FER1L6: variants seen among roughly 807,000 people sequenced by gnomAD.
FER1L6 encodes fer-1-like protein 6.
Under a neutral mutation model 219.2 loss-of-function variants are expected in FER1L6, and 177 were observed. That is an observed-to-expected ratio of 0.81 (90% CI 0.71 to 0.91). The LOEUF (loss-of-function observed/expected upper bound fraction) is 0.91. Ranked by LOEUF, FER1L6 falls within the 40% of genes least tolerant of loss-of-function variation. The pLI, the probability that FER1L6 is intolerant of heterozygous loss-of-function variation, is 0.00. For synonymous variants in FER1L6, 768 were observed against 824.3 expected (o/e 0.93, Z 1.17); for missense variants, 2,153 against 2,259.9 (o/e 0.95, Z 0.96).
At chr8:123,916,077 G>A (rs1255142787) in intron 1 of FER1L6, among the ~76,000 whole-genome samples, 3 of 152,196 alleles carry the variant, frequency 2.0e-5, no homozygotes, top group Non-Finnish European at 4.4e-5. Context: ...TGTAAATGCT[G>A]CCTGTCCTGA....
intron 1 of FER1L6, among the ~76,000 whole-genome samples, chr8:123,866,910 C>T (rs546517531): frequency 2.1e-4 from 32 of 152,338 alleles, no homozygotes; most frequent in East Asian, 9.6e-4. Flanking sequence ...TGAGCTACCA[C>T]GCCTGACCAG....
intron 2 of FER1L6, among the ~76,000 whole-genome samples, chr8:123,956,902 T>C (rs1815046215): frequency 6.6e-6 from 1 of 152,182 alleles, no homozygotes; most frequent in African/African-American, 2.4e-5. Context: ...AGTTACAGGG[T>C]GAACTGCATC....
At chr8:123,995,590 A>G (rs1817094434) in intron 12 of FER1L6, among the ~76,000 whole-genome samples, 1 of 151,358 alleles carries the variant, frequency 6.6e-6, no homozygotes, top group Non-Finnish European at 1.5e-5. Flanking sequence ...AGGATTGTCA[A>G]TTTTATCTTT....
intron 2 of FER1L6, among the ~76,000 whole-genome samples, chr8:123,961,091 A>C (rs1815253871): frequency 6.6e-6 from 1 of 152,114 alleles, no homozygotes; most frequent in Non-Finnish European, 1.5e-5. Flanking sequence ...TCTCTCTAAA[A>C]AAAATATTAA....
intron 5 of FER1L6, among the ~76,000 whole-genome samples, chr8:123,966,736 A>G (rs993686574): frequency 6.6e-6 from 1 of 152,230 alleles, no homozygotes; most frequent in African/African-American, 2.4e-5. Context: ...TAGAAATTGT[A>G]AAGAAAAATC....
chr8:123,931,242 C>T (rs1813749998), intron 1 of FER1L6, among the ~76,000 whole-genome samples: 1 of 152,146 alleles, frequency 6.6e-6, no homozygotes, highest in South Asian at 2.1e-4. Flanking sequence ...CCAACAGATC[C>T]ACTAAAACTG....
chr8:124,001,940 C>T (rs1041546115), intron 12 of FER1L6, among the ~76,000 whole-genome samples: 1 of 152,176 alleles, frequency 6.6e-6, no homozygotes, highest in Non-Finnish European at 1.5e-5. Context: ...GGAAGATTCT[C>T]ATACATGTAA....
At chr8:123,962,720 TG>T (rs1394881881) in intron 2 of FER1L6, among the ~76,000 whole-genome samples, 13 of 152,328 alleles carry the variant, frequency 8.5e-5, no homozygotes, top group African/African-American at 3.1e-4. Context: ...TCTGTCCCGC[TG>T]GGTTCAAGCG....
In FER1L6 at chr8:124,064,694, C is replaced by G. The variant is rs1003723025; in HGVS notation, c.3555+121C>G. The G allele has an allele frequency of 3.6e-6, 3 of 826,120 alleles. No homozygotes were observed. In the African/African-American group the frequency reaches 5.2e-5, roughly 14 times the overall value. The allele number at this position is 826,120 out of a possible 1,614,324, so 51.2% of individuals were successfully genotyped here. ...CAAGCAGCTTCACATTTCTGAGTAT[C>G]GGTTCATCCTTTGTAAAATGAGGAT... is the stretch of plus-strand genomic sequence containing the variant. On this transcript the variant is annotated intron_variant, in intron 26 of 40. Transcript: ENST00000522917.
chr8:123,966,331 C>G (rs201481369), intron 5 of FER1L6, 41 bp downstream of exon 5: 71 of 1,609,778 alleles, frequency 4.4e-5, no homozygotes, highest in African/African-American at 8.0e-5. Context: ...CACTAAGATT[C>G]TCTTCACCAC....
chr8:123,866,683 A>G (rs1816843313), intron 1 of FER1L6, among the ~76,000 whole-genome samples: 1 of 152,106 alleles, frequency 6.6e-6, no homozygotes, highest in Non-Finnish European at 1.5e-5. Flanking sequence ...CAGTGGTGCT[A>G]TCTAGCTCAC....
At chr8:123,995,274 T>A (rs908715273) in intron 12 of FER1L6, among the ~76,000 whole-genome samples, 1 of 152,238 alleles carries the variant, frequency 6.6e-6, no homozygotes, top group Non-Finnish European at 1.5e-5. Context: ...AAATGTTTGG[T>A]GAATTTCAGC....
At chr8:123,897,861 AAT>A (rs1221245716) in intron 1 of FER1L6, among the ~76,000 whole-genome samples, 2 of 152,204 alleles carry the variant, frequency 1.3e-5, no homozygotes, top group Non-Finnish European at 2.9e-5. Flanking sequence ...TCAGAAAATC[AAT>A]ATGTTAGGCT....
intron 1 of FER1L6, among the ~76,000 whole-genome samples, chr8:123,937,958 C>T (rs1270061946): frequency 6.6e-6 from 1 of 152,182 alleles, no homozygotes; most frequent in Admixed American, 6.5e-5. Context: ...CTTTATTGCT[C>T]TAGGCCTTAT....
chr8:124,105,173 G>A (rs1022431534), intron 39 of FER1L6, among the ~76,000 whole-genome samples: 2 of 152,212 alleles, frequency 1.3e-5, no homozygotes, highest in Non-Finnish European at 2.9e-5. Context: ...GAAATGTAGT[G>A]AGCCACAGGA....
At chr8:123,957,128 C>G (rs1318411754) in intron 2 of FER1L6, among the ~76,000 whole-genome samples, 1 of 152,208 alleles carries the variant, frequency 6.6e-6, no homozygotes, top group Non-Finnish European at 1.5e-5. Context: ...TCCTGGGAGG[C>G]CTGCTTCACT....
At chr8:124,013,981 G>A (rs999736199) in intron 15 of FER1L6, among the ~76,000 whole-genome samples, 1 of 152,016 alleles carries the variant, frequency 6.6e-6, no homozygotes, top group Non-Finnish European at 1.5e-5. Flanking sequence ...ACTATTCAGT[G>A]AGCCTGAATA....
intron 1 of FER1L6, among the ~76,000 whole-genome samples, chr8:123,908,330 T>G (rs1390356945): frequency 6.6e-6 from 1 of 152,234 alleles, no homozygotes; most frequent in Admixed American, 6.5e-5. Context: ...GTGAGGCTCT[T>G]ACAAGATACT....
intron 1 of FER1L6, among the ~76,000 whole-genome samples, chr8:123,859,143 G>T (rs1477809453): frequency 1.3e-5 from 2 of 152,088 alleles, no homozygotes; most frequent in African/African-American, 4.8e-5. Flanking sequence ...GGGACCACAG[G>T]TGTGCACCTC....
Sources: allele counts gnomAD v4.1 joint callset (sites outside exome capture counted in the v4.1 genomes callset), GRCh38; gene constraint gnomAD v4.1.1; transcripts MANE v1.5; gene names NCBI Gene and HGNC (gene_info 2026-07-23, HGNC 2026-07-21).